GGT5: variants seen among roughly 807,000 people sequenced by gnomAD.
The protein encoded by GGT5 is glutathione hydrolase 5 proenzyme.
In GGT5, 50 loss-of-function variants were observed where a neutral mutation model predicts 58.1. That is an observed-to-expected ratio of 0.86 (90% CI 0.69 to 1.09). The LOEUF is 1.09. Ranked by LOEUF, GGT5 falls within the 50% of genes least tolerant of loss-of-function variation. The pLI is 0.00. For missense variants in GGT5, 800 were observed against 789.4 expected (o/e 1.01, Z -0.16); for synonymous variants, 370 against 346.1 (o/e 1.07, Z -0.77).
Position 24,231,427 on chromosome 22 carries a change from A to G in GGT5, c.858T>C (p.Pro286=). The G allele has an allele frequency of 6.4e-7, 1 of 1,557,708 alleles. No homozygotes were observed. ...GDYTLYSPPP[P]AGGAILSFIL... is the part of the protein sequence containing the mutation. ...TAAAGCTGAGAATGGCACCCCCTGCAGGCGGCGGTGGTGAGTACAGGGTAT... is the reference window on the plus strand; with the variant it reads ...TAAAGCTGAGAATGGCACCCCCTGCGGGCGGCGGTGGTGAGTACAGGGTAT... The change falls in exon 6 of 12, where the codon CCT becomes CCC. Residue 286 remains proline, a synonymous_variant. Transcript: ENST00000327365.
chr22:24,238,767 A>T (rs1185556565), intron 1 of GGT5, among the ~76,000 whole-genome samples: 2 of 38,590 alleles, frequency 5.2e-5, no homozygotes, highest in Admixed American at 1.2e-3. Context: ...TGGAATATAT[A>T]TATATATATA....
intron 3 of GGT5, 69 bp from the exon 4 acceptor site, chr22:24,233,087 A>C (rs2047997378): frequency 6.9e-6 from 8 of 1,165,208 alleles, no homozygotes; most frequent in Non-Finnish European, 9.3e-6. Flanking sequence ...TCACCCCTAC[A>C]TGTGGCCCCC....
chr22:24,219,694 A>G lies in GGT5; in HGVS notation c.*276T>C, dbSNP rs570125336. ...CCTCTTTAATCTTGGACTGGAGGATATACAGATCGAGAGGGTGGGAGAGTG... is the reference window on the plus strand; with the variant it reads ...CCTCTTTAATCTTGGACTGGAGGATGTACAGATCGAGAGGGTGGGAGAGTG... On this transcript the variant is annotated 3_prime_UTR_variant, in exon 12 of 12. Coordinates refer to ENST00000327365, the MANE Select transcript of GGT5 (RefSeq NM_004121.5). The G allele has an allele frequency of 4.5e-6, 2 of 443,702 alleles. No individual in the cohort carries two copies. Among genetic ancestry groups the G allele is most frequent in the East Asian group, 8.1e-5 (2 of 24,714 alleles). The allele number at this position is 443,702 out of a possible 1,614,324, so 27.5% of individuals were successfully genotyped here.
At position 24,244,716 on chromosome 22, in the gene GGT5, C is replaced by A. The variant is rs1202288323; in HGVS notation, c.10G>T (p.Gly4Cys). 2 of 1,609,944 alleles carry A rather than the reference C, an allele frequency of 1.2e-6. No homozygotes were observed. The highest frequency in any genetic ancestry group is 3.4e-5 in the Admixed American group (2 of 59,570). MAR[G>C]YGATVSLVLL... The stretch of plus-strand genomic sequence containing the variant: ...ACTAGGCTGACCGTGGCCCCGTAGC[C>A]CCGGGCCATGGCTCTGCAGCCCAGG... The change falls in exon 1 of 12, where the codon GGC becomes TGC. Residue 4 changes from glycine (G) to cysteine (C), a missense_variant. Transcript: ENST00000327365.
At chr22:24,226,861 A>ATCC in intron 6 of GGT5, 94 bp from the exon 7 acceptor site, 2 of 1,031,160 alleles carry the variant, frequency 1.9e-6, no homozygotes, top group Middle Eastern at 4.2e-4. Flanking sequence ...ATCCACCCAC[A>ATCC]TCCTAATTCC....
At chr22:24,230,599 T>A (rs1169887645) in intron 6 of GGT5, among the ~76,000 whole-genome samples, 1 of 151,926 alleles carries the variant, frequency 6.6e-6, no homozygotes, top group Non-Finnish European at 1.5e-5. Flanking sequence ...ATGAAAAAAA[T>A]AAAATGTACA....
At chr22:24,229,358 GACGCACC>G in intron 6 of GGT5, among the ~76,000 whole-genome samples, 3 of 151,382 alleles carry the variant, frequency 2.0e-5, no homozygotes, top group African/African-American at 7.3e-5. Flanking sequence ...AGTGAACCGA[GACGCACC>G]ATTGCACTCC....
chr22:24,221,249 G>A (rs1331559042), intron 11 of GGT5, among the ~76,000 whole-genome samples: 1 of 152,142 alleles, frequency 6.6e-6, no homozygotes, highest in Non-Finnish European at 1.5e-5. Flanking sequence ...GCACCAGACT[G>A]CCTTCGTAGG....
chr22:24,238,901 AT>A (rs2048233512), intron 1 of GGT5, among the ~76,000 whole-genome samples: 2 of 12,806 alleles, frequency 1.6e-4, no homozygotes, highest in South Asian at 3.9e-3. Context: ...TTATATATAT[AT>A]ATATTATATA....
rs1327593851 is a variant in GGT5 at position 24,245,003 on chromosome 22, T to G, written c.-278A>C. ...CAGGTCTGAACAGCGGGCTGCCAGA[T>G]GGACAGATGGGTGAATGGACAGATG... On this transcript the variant is annotated 5_prime_UTR_variant, in exon 1 of 12. Transcript: ENST00000327365. The G allele has an allele frequency of 2.1e-6, 1 of 467,510 alleles. No individual in the cohort carries two copies. The highest frequency in any genetic ancestry group is 3.8e-6 in the Non-Finnish European group (1 of 262,354). 29.0% of individuals were successfully genotyped at this position (467,510 alleles called of 1,614,324 possible).
chr22:24,226,029 A>G, intron 8 of GGT5, 47 bp downstream of exon 8: 1 of 1,342,564 alleles, frequency 7.4e-7, no homozygotes, highest in Non-Finnish European at 1.0e-6. Context: ...GTGCAGGTCT[A>G]GGAGAGGAGG....
At chr22:24,238,150 A>T (rs1387125403) in intron 1 of GGT5, among the ~76,000 whole-genome samples, 1 of 148,206 alleles carries the variant, frequency 6.7e-6, no homozygotes, top group African/African-American at 2.5e-5. Context: ...AAACATTTGA[A>T]CCCAGCAGGT....
chr22:24,226,482 A>G (rs2047769188), intron 7 of GGT5, 149 bp downstream of exon 7: 1 of 878,370 alleles, frequency 1.1e-6, no homozygotes, highest in Non-Finnish European at 1.7e-6. Context: ...TGTACCTGCC[A>G]CCCCGGGATC....
At chr22:24,228,982 C>T (rs753225310) in intron 6 of GGT5, among the ~76,000 whole-genome samples, 95 of 151,606 alleles carry the variant, frequency 6.3e-4, no homozygotes, top group Admixed American at 3.4e-3. Flanking sequence ...CCTAGCTACT[C>T]GGGAGGCTGA....
chr22:24,220,013 G>A lies in GGT5; in HGVS notation c.1718C>T (p.Ala573Val). 1 of 1,614,126 alleles carries A rather than the reference G, an allele frequency of 6.2e-7. No individual in the cohort carries two copies. The change falls in exon 12 of 12, where the codon GCC (alanine) becomes GTC (valine). Residue 573 changes from alanine to valine, a missense_variant. Coordinates refer to ENST00000327365, the MANE Select transcript of GGT5 (RefSeq NM_004121.5). ...AVSQEGACVY[A>V]VSDLRKSGEA... is the part of the protein sequence containing the mutation. ...CCCACTCTTCCTCAGGTCCGAGACGGCGTACACACAGGCCCCCTCCTGGGA... is the reference window on the plus strand; with the variant it reads ...CCCACTCTTCCTCAGGTCCGAGACGACGTACACACAGGCCCCCTCCTGGGA...
intron 7 of GGT5, 24 bp downstream of exon 7, chr22:24,226,607 G>C: frequency 6.2e-7 from 1 of 1,612,790 alleles, no homozygotes; most frequent in East Asian, 2.2e-5. Context: ...CGGCCCACCA[G>C]CCCAGCAACC....
chr22:24,220,232 G>A, intron 11 of GGT5, 116 bp from the exon 12 acceptor site: 3 of 976,378 alleles, frequency 3.1e-6, no homozygotes, highest in Non-Finnish European at 4.6e-6. Context: ...AGAGGAAGAG[G>A]GCCTGAAGAC....
At position 24,226,928 on chromosome 22, in the gene GGT5, A is replaced by G. The variant is rs150004919; in HGVS notation, c.902-161T>C. ...AAGAGTGACTAATACCTTAAGTGGA[A>G]AAGTAAGTTAAGGATTTTTTTTTTT... is the stretch of plus-strand genomic sequence containing the variant. On this transcript the variant is annotated intron_variant, in intron 6 of 11. Coordinates refer to ENST00000327365, the MANE Select transcript of GGT5 (RefSeq NM_004121.5). Among the ~76,000 whole-genome samples the G allele has an allele frequency of 3.3e-3, 494 of 151,506 alleles. 4 individuals carry two copies. Among genetic ancestry groups the G allele is most frequent in the South Asian group, 0.011 (53 of 4,796 alleles).
chr22:24,241,963 C>T (rs2048339104), intron 1 of GGT5: 1 of 151,684 alleles, frequency 6.6e-6, no homozygotes, highest in Non-Finnish European at 1.5e-5. Context: ...ATTACAGGCA[C>T]CCGCTACCAT....
Sources: gnomAD v4.1 joint callset for allele counts (sites outside exome capture counted in the v4.1 genomes callset) on GRCh38, gnomAD v4.1.1 for gene constraint, MANE v1.5 for transcripts, NCBI Gene and HGNC (gene_info 2026-07-23, HGNC 2026-07-21) for gene names.